Variants in ANK3 observed in about 807,000 individuals in gnomAD.
ANK3 encodes ankyrin 3.
A neutral mutation model predicts 370.9 loss-of-function variants in ANK3; 57 were observed. The ratio of observed to expected loss-of-function variants is 0.15; its 90% CI spans 0.12 to 0.19. The LOEUF is 0.19. Ranked by LOEUF, ANK3 falls within the 10% of genes least tolerant of loss-of-function variation. The probability of loss-of-function intolerance (pLI) is 1.00; values close to 1 mark genes in which losing one functional copy is unlikely to be tolerated. For synonymous variants in ANK3, 1,929 were observed against 1,946.3 expected (o/e 0.99, Z 0.23); for missense variants, 4,439 against 5,302.1 (o/e 0.84, Z 5.06).
intron 25 of ANK3, among the ~76,000 whole-genome samples, chr10:60,133,750 G>A (rs573022604): frequency 2.6e-5 from 4 of 152,106 alleles, no homozygotes; most frequent in East Asian, 1.9e-4. Context: ...GTGAAACCCC[G>A]TCTCTACTAA....
At chr10:60,607,556 A>T (rs1407704215) in intron 2 of ANK3, among the ~76,000 whole-genome samples, 1 of 152,166 alleles carries the variant, frequency 6.6e-6, no homozygotes, top group African/African-American at 2.4e-5. Context: ...TGCTCTATCT[A>T]TATCATTTCC....
intron 1 of ANK3, among the ~76,000 whole-genome samples, chr10:60,384,181 G>A (rs2061938541): frequency 6.6e-6 from 1 of 152,148 alleles, no homozygotes; most frequent in African/African-American, 2.4e-5. Flanking sequence ...GGAATCCTCT[G>A]CACATTGCTG....
intron 2 of ANK3, among the ~76,000 whole-genome samples, chr10:60,565,114 A>T (rs1460225373): frequency 6.6e-6 from 1 of 152,026 alleles, no homozygotes; most frequent in Non-Finnish European, 1.5e-5. Flanking sequence ...AAAAGTAAAG[A>T]CCTGGCCTTT....
At chr10:60,460,607 C>G (rs972739068) in intron 2 of ANK3, among the ~76,000 whole-genome samples, 1 of 151,828 alleles carries the variant, frequency 6.6e-6, no homozygotes, top group African/African-American at 2.4e-5. Flanking sequence ...AAATTTATAC[C>G]ATCACTAATA....
At chr10:60,041,171 C>T (rs1374135482) in intron 43 of ANK3, among the ~76,000 whole-genome samples, 1 of 152,156 alleles carries the variant, frequency 6.6e-6, no homozygotes, top group Non-Finnish European at 1.5e-5. Flanking sequence ...CACCAGTGCC[C>T]CTTCCAATTC....
In ANK3 at chr10:60,070,912, A is replaced by T; in HGVS notation, c.9969T>A (p.Ile3323=). Residue 3323 remains isoleucine, a synonymous_variant, in exon 37 of 44, where the codon ATT becomes ATA. Transcript: ENST00000280772. This position sits in a 1 kb window ranked among gnomAD's most constrained non-coding sequence, Gnocchi z 5.7. ...ATTTTTTAACTGGGACTGGCTGATA[A>T]ATAGATTCGTCATCGCTTGAATCAC... ...DVSDSSDDES[I]YQPVPVKKYT... The T allele has an allele frequency of 6.2e-7, 1 of 1,614,062 alleles. No homozygotes were observed. Among genetic ancestry groups the T allele is most frequent in the Non-Finnish European group, 8.5e-7 (1 of 1,179,978 alleles).
At chr10:60,384,090 T>C (rs554121195) in intron 1 of ANK3, among the ~76,000 whole-genome samples, 20 of 152,268 alleles carry the variant, frequency 1.3e-4, no homozygotes, top group African/African-American at 4.6e-4. Flanking sequence ...TTTTAAGCCT[T>C]AGTTTTACCT....
chr10:60,063,188 G>A lies in ANK3; in HGVS notation c.12518C>T (p.Pro4173Leu). ...RIDIVTLLEGPIFDYGNISGT... is the reference protein window; with the variant it reads ...RIDIVTLLEGLIFDYGNISGT... ...TGAAATATTTCCATAATCAAATATTGGTCCTTCTAGCAGTGTCACTATATC... is the reference window on the plus strand; with the variant it reads ...TGAAATATTTCCATAATCAAATATTAGTCCTTCTAGCAGTGTCACTATATC... Residue 4173 changes from proline to leucine, a missense_variant, in exon 40 of 44, where the codon CCA becomes CTA. This residue lies in a region of ANK3 where 99 missense variants were observed against 150.7 expected (regional missense o/e 0.66). Coordinates refer to ENST00000280772, the MANE Select transcript of ANK3 (RefSeq NM_020987.5). 6.2e-7 allele frequency: 1 copy of A among 1,613,240 alleles called. No homozygotes were observed. Among genetic ancestry groups the A allele is most frequent in the Non-Finnish European group, 8.5e-7 (1 of 1,179,610 alleles).
chr10:60,519,318 A>C (rs2076296665), intron 2 of ANK3, among the ~76,000 whole-genome samples: 1 of 152,134 alleles, frequency 6.6e-6, no homozygotes, highest in Non-Finnish European at 1.5e-5. Flanking sequence ...TCCTGTATTT[A>C]AGACACTAGA....
chr10:60,687,535 A>ACACACAC (rs1554809512), intron 1 of ANK3, among the ~76,000 whole-genome samples: 1 of 150,698 alleles, frequency 6.6e-6, no homozygotes, highest in African/African-American at 2.4e-5. Context: ...TATAAAAAAA[A>ACACACAC]ACACACACAC....
Position 60,075,302 on chromosome 10 carries a change from G to A in ANK3, c.5579C>T (p.Thr1860Ile). The change falls in exon 37 of 44, where the codon ACT becomes ATT. Residue 1860 changes from threonine (T) to isoleucine (I), a missense_variant. By Grantham distance (89) the Thr-to-Ile change is moderately conservative (BLOSUM62 -1). This residue lies in a region of ANK3 where 679 missense variants were observed against 791.0 expected (regional missense o/e 0.86). Transcript: ENST00000280772. ...AALLSPIKTL[T>I]TETHPQPHFS... is the part of the protein sequence containing the mutation. ...GTGAGGCTGAGGATGTGTCTCCGTA[G>A]TCAATGTTTTAATGGGTGACAGCAA... The A allele has an allele frequency of 1.2e-6, 2 of 1,614,158 alleles. No homozygotes were observed. The highest frequency in any genetic ancestry group is 1.7e-6 in the Non-Finnish European group (2 of 1,180,006).
chr10:60,451,791 G>C (rs2064610830), intron 2 of ANK3, among the ~76,000 whole-genome samples: 1 of 152,182 alleles, frequency 6.6e-6, no homozygotes, highest in Non-Finnish European at 1.5e-5. Context: ...CTGTGGGTGT[G>C]TGTGGAGCTA....
chr10:60,125,833 GT>G (rs1326476718), intron 25 of ANK3, among the ~76,000 whole-genome samples: 1 of 152,088 alleles, frequency 6.6e-6, no homozygotes, highest in Non-Finnish European at 1.5e-5. Flanking sequence ...CGAGCAGGAA[GT>G]TTCTTCTGAA....
intron 2 of ANK3, chr10:60,573,064 T>C (rs1164587449): frequency 1.1e-6 from 1 of 926,494 alleles, no homozygotes; most frequent in Non-Finnish European, 1.3e-6. Flanking sequence ...TACTAACACA[T>C]GTGTTGAATG....
At chr10:60,121,378 CAAA>C (rs201473806) in intron 25 of ANK3, among the ~76,000 whole-genome samples, 187 of 135,418 alleles carry the variant, frequency 1.4e-3, no homozygotes, top group Non-Finnish European at 1.3e-3. Flanking sequence ...TAAAATGCAC[CAAA>C]AAAAAAAAAA....
At chr10:60,520,405 C>T (rs768634741) in intron 2 of ANK3, among the ~76,000 whole-genome samples, 19 of 152,070 alleles carry the variant, frequency 1.2e-4, no homozygotes, top group East Asian at 1.9e-4. Context: ...CCTGCACATA[C>T]ACTACCTAAA....
intron 7 of ANK3, among the ~76,000 whole-genome samples, chr10:60,241,004 T>C (rs2097448004): frequency 6.6e-6 from 1 of 152,200 alleles, no homozygotes; most frequent in Non-Finnish European, 1.5e-5. Flanking sequence ...AGTGGAAAGA[T>C]GGTTGTATTT....
chr10:60,226,671 A>T (rs2097169224), intron 8 of ANK3, among the ~76,000 whole-genome samples: 1 of 138,232 alleles, frequency 7.2e-6, no homozygotes, highest in African/African-American at 2.6e-5. Context: ...ATTATAGTAT[A>T]ATATAGTATA....
At chr10:60,427,375 A>T (rs759111094) in intron 2 of ANK3, among the ~76,000 whole-genome samples, 3 of 152,134 alleles carry the variant, frequency 2.0e-5, no homozygotes, top group Non-Finnish European at 4.4e-5. Context: ...AAGCCCAGGG[A>T]TGTTCACAGT....
Sources: allele counts gnomAD v4.1 joint callset (sites outside exome capture counted in the v4.1 genomes callset), GRCh38; gene constraint gnomAD v4.1.1; regional missense constraint gnomAD v4.1.1; non-coding constraint Gnocchi (gnomAD v3.1); transcripts MANE v1.5; gene names NCBI Gene and HGNC (gene_info 2026-07-23, HGNC 2026-07-21).